RAD51B: variants seen among roughly 807,000 people sequenced by gnomAD.
The protein encoded by RAD51B is RAD51 paralog B, also known as DNA repair protein RAD51 homolog 2.
A neutral mutation model predicts 42.2 loss-of-function variants in RAD51B; 38 were observed. The ratio of observed to expected loss-of-function variants is 0.90; its 90% CI spans 0.70 to 1.18. The LOEUF (loss-of-function observed/expected upper bound fraction) is 1.18, where lower values mean the gene tolerates loss of function less well. Among genes scored for constraint, RAD51B ranks in the 50% most tolerant of loss-of-function variants. RAD51B has a pLI of 0.00. For missense variants in RAD51B, 373 were observed against 400.7 expected, an observed-to-expected ratio of 0.93 and a Z score of 0.59; for synonymous variants, 154 against 145.2, an observed-to-expected ratio of 1.06 and a Z score of -0.43.
intron 10 of RAD51B, chr14:68,563,475 T>C: frequency 1.0e-6 from 1 of 985,382 alleles, no homozygotes; most frequent in South Asian, 4.7e-5. Flanking sequence ...GTTGTGAAAA[T>C]ATGCAGGCTG....
chr14:68,637,516 G>C (rs897755588), intron 10 of RAD51B, among the ~76,000 whole-genome samples: 1 of 152,194 alleles, frequency 6.6e-6, no homozygotes, highest in African/African-American at 2.4e-5. Context: ...CGAGATGGTG[G>C]TCTTTGTATG....
chr14:68,602,958 G>A (rs1891285564), intron 10 of RAD51B, among the ~76,000 whole-genome samples: 1 of 152,196 alleles, frequency 6.6e-6, no homozygotes, highest in Non-Finnish European at 1.5e-5. Flanking sequence ...AATAGGGACA[G>A]GTACATATTT....
rs17105978 is a variant in RAD51B, at chr14:68,607,060, G to A, written c.1037-3946G>A. 9.0e-3 allele frequency among the ~76,000 whole-genome samples: 1,370 copies of A among 152,260 alleles called. 22 individuals are homozygous for A. Among genetic ancestry groups the A allele is most frequent in the African/African-American group, 0.031 (1,298 of 41,538 alleles). ...GTGTCACATGTAAAAACAAGGCGCCGTAATTTAAGTCCAGCCTCACACTTC... is the reference window on the plus strand; with the variant it reads ...GTGTCACATGTAAAAACAAGGCGCCATAATTTAAGTCCAGCCTCACACTTC... On this transcript the variant is annotated intron_variant, in intron 10 of 10. Transcript: ENST00000487861.
At chr14:67,830,558 C>T (rs912745105) in intron 3 of RAD51B, among the ~76,000 whole-genome samples, 3 of 152,058 alleles carry the variant, frequency 2.0e-5, no homozygotes, top group African/African-American at 7.2e-5. Flanking sequence ...TGCACCATCA[C>T]ACCTGGCTAA....
At chr14:67,889,742 T>C (rs1195542971) in intron 7 of RAD51B, among the ~76,000 whole-genome samples, 1 of 152,068 alleles carries the variant, frequency 6.6e-6, no homozygotes, top group Non-Finnish European at 1.5e-5. Flanking sequence ...TTAATCGATA[T>C]CACTTGATTG....
chr14:68,395,772 A>C (rs1267908002), intron 8 of RAD51B, among the ~76,000 whole-genome samples: 12 of 152,220 alleles, frequency 7.9e-5, no homozygotes, highest in Non-Finnish European at 1.2e-4. Flanking sequence ...AGGGCTGGAC[A>C]TCAAGGGGTG....
At chr14:67,935,914 A>C (rs993845087) in intron 7 of RAD51B, among the ~76,000 whole-genome samples, 2 of 152,164 alleles carry the variant, frequency 1.3e-5, no homozygotes, top group African/African-American at 4.8e-5. Flanking sequence ...ATTATACCAG[A>C]GGATAATGTC....
intron 5 of RAD51B, among the ~76,000 whole-genome samples, chr14:67,883,370 G>A (rs1442960865): frequency 6.8e-6 from 1 of 147,098 alleles, no homozygotes; most frequent in Non-Finnish European, 1.5e-5. Flanking sequence ...AAGGTCTTAT[G>A]TGATCTTGGC....
At chr14:68,145,873 A>G (rs1418144855) in intron 7 of RAD51B, among the ~76,000 whole-genome samples, 1 of 152,254 alleles carries the variant, frequency 6.6e-6, no homozygotes, top group Admixed American at 6.5e-5. Flanking sequence ...ACACTATTAG[A>G]TAAATCTAGA....
intron 7 of RAD51B, among the ~76,000 whole-genome samples, chr14:67,912,444 G>A (rs1376159481): frequency 6.6e-6 from 1 of 152,158 alleles, no homozygotes; most frequent in African/African-American, 2.4e-5. Context: ...GAGAGATTAT[G>A]TAACATGCAG....
intron 10 of RAD51B, among the ~76,000 whole-genome samples, chr14:68,641,740 A>T (rs1410256950): frequency 6.6e-6 from 1 of 151,978 alleles, no homozygotes; most frequent in Non-Finnish European, 1.5e-5. Context: ...TTAAAAAAAA[A>T]TACAGAGACA....
chr14:67,989,150 GA>G (rs2075245898), intron 7 of RAD51B, among the ~76,000 whole-genome samples: 1 of 152,098 alleles, frequency 6.6e-6, no homozygotes, highest in Admixed American at 6.5e-5. Context: ...TTAGTTCTCT[GA>G]GCCTTTGAAA....
At chr14:68,123,333 G>A (rs377696615) in intron 7 of RAD51B, among the ~76,000 whole-genome samples, 11 of 151,720 alleles carry the variant, frequency 7.3e-5, no homozygotes, top group Non-Finnish European at 1.3e-4. Flanking sequence ...GATCATAGGC[G>A]TGTACCACCA....
At chr14:68,353,241 T>C (rs545179678) in intron 8 of RAD51B, among the ~76,000 whole-genome samples, 61 of 152,318 alleles carry the variant, frequency 4.0e-4, no homozygotes, top group Non-Finnish European at 8.1e-4. Flanking sequence ...TTAAAAAGTT[T>C]AGACACTGAA....
At chr14:68,230,206 G>T (rs2080119079) in intron 7 of RAD51B, among the ~76,000 whole-genome samples, 1 of 152,268 alleles carries the variant, frequency 6.6e-6, no homozygotes, top group East Asian at 1.9e-4. Flanking sequence ...GAGGCTTTTT[G>T]ATTGCAAGCA....
At chr14:68,069,816 T>C (rs2140462116) in intron 7 of RAD51B, among the ~76,000 whole-genome samples, 1 of 152,306 alleles carries the variant, frequency 6.6e-6, no homozygotes, top group African/African-American at 2.4e-5. Context: ...AGTAATGGGA[T>C]TGCTGGGTCA....
chr14:68,425,991 C>T (rs56023788), intron 9 of RAD51B, among the ~76,000 whole-genome samples: 47 of 74,014 alleles, frequency 6.4e-4, no homozygotes, highest in African/African-American at 3.0e-3. Flanking sequence ...TTCCTTCCTT[C>T]CTTCCTTCCT....
At chr14:68,518,621 C>G (rs1274728866) in intron 10 of RAD51B, among the ~76,000 whole-genome samples, 1 of 149,378 alleles carries the variant, frequency 6.7e-6, no homozygotes, top group Non-Finnish European at 1.5e-5. Context: ...CCTTTTCATC[C>G]TTCTCCAGGT....
intron 7 of RAD51B, among the ~76,000 whole-genome samples, chr14:68,147,804 T>TAAAAA (rs11398164): frequency 6.9e-6 from 1 of 145,164 alleles, no homozygotes. Context: ...CAAGGGAAAT[T>TAAAAA]AAAAAAAAAA....
Sources: gnomAD v4.1 joint callset for allele counts (sites outside exome capture counted in the v4.1 genomes callset) on GRCh38, gnomAD v4.1.1 for gene constraint, MANE v1.5 for transcripts, NCBI Gene and HGNC (gene_info 2026-07-23, HGNC 2026-07-21) for gene names.